Variants in OCRL observed in about 807,000 individuals in gnomAD.
The protein encoded by OCRL is OCRL inositol polyphosphate-5-phosphatase.
A neutral mutation model predicts 78.9 loss-of-function variants in OCRL; 8 were observed. The ratio of observed to expected loss-of-function variants is 0.10; its 90% CI spans 0.06 to 0.18. OCRL has a LOEUF of 0.18. OCRL is among the 10% of genes least tolerant of loss of function. The probability of loss-of-function intolerance (pLI) is 1.00; values close to 1 mark genes in which losing one functional copy is unlikely to be tolerated. For synonymous variants in OCRL, 240 were observed against 235.4 expected, an observed-to-expected ratio of 1.02 and a Z score of -0.18; for missense variants, 454 against 696.7, an observed-to-expected ratio of 0.65 and a Z score of 3.92.
chrX:129,554,117 CAG>C (rs1346599237), intron 4 of OCRL, among the ~76,000 whole-genome samples: 1 of 105,151 alleles, frequency 9.5e-6, no homozygotes, highest in East Asian at 3.1e-4. Flanking sequence ...AGTAAGAAAA[CAG>C]AGAAATCAAT....
intron 12 of OCRL, 86 bp downstream of exon 12, chrX:129,562,872 CTG>C: frequency 1.1e-6 from 1 of 905,027 alleles, no homozygotes; most frequent in Non-Finnish European, 1.6e-6. Context: ...TACTGTAGAG[CTG>C]TGAAGAGTGA....
At chrX:129,563,563 T>C (rs935735168) in intron 12 of OCRL, among the ~76,000 whole-genome samples, 3 of 111,531 alleles carry the variant, frequency 2.7e-5, no homozygotes, top group Non-Finnish European at 5.6e-5. Flanking sequence ...TATTATTCTA[T>C]TTATTGTGGA....
chrX:129,569,194 T>TA (rs1196408177), intron 14 of OCRL, 70 bp from the exon 15 acceptor site: 1 of 1,130,520 alleles, frequency 8.8e-7, no homozygotes, highest in African/African-American at 1.8e-5. Flanking sequence ...AACCCTGATC[T>TA]AAACCAGTGT....
chrX:129,545,921 C>G (rs891406553), intron 3 of OCRL, among the ~76,000 whole-genome samples: 1 of 111,049 alleles, frequency 9.0e-6, no homozygotes, highest in African/African-American at 3.3e-5. Context: ...GCCATGTTGC[C>G]CAGGCTGGTC....
intron 3 of OCRL, 144 bp downstream of exon 3, chrX:129,545,181 A>G (rs1391351129): frequency 2.2e-6 from 1 of 459,964 alleles, no homozygotes; most frequent in African/African-American, 2.4e-5. Flanking sequence ...CATTGAGGAG[A>G]TGATACTTTC....
rs1377663954 is a variant in OCRL at position 129,587,124 on chromosome X, TGA to T, written c.2256+10_2256+11del. ...TCAAATACGCCTGTCACCAGGTAAG[TGA>T]GAGTAGACCTTCCCTACAACTTTGG... is the stretch of plus-strand genomic sequence containing the variant. On this transcript the variant is annotated splice_region_variant and intron_variant, in intron 20 of 23. Coordinates refer to ENST00000371113, the MANE Select transcript of OCRL (RefSeq NM_000276.4). 9.3e-7 allele frequency: 1 copy of T among 1,074,700 alleles called. No individual in the cohort carries two copies. Among genetic ancestry groups the T allele is most frequent in the African/African-American group, 1.8e-5 (1 of 55,100 alleles). 88.6% of individuals were successfully genotyped at this position (1,074,700 alleles called of 1,213,427 possible).
chrX:129,573,223 A>T lies in OCRL; in HGVS notation c.1603-1917A>T, dbSNP rs188495260. ...GTTCTTATTTTCAACATTTTAAAAA[A>T]TTTTTATTTCACTTCAAGTTGTGGG... On this transcript the variant is annotated intron_variant, in intron 15 of 23. Coordinates refer to ENST00000371113, the MANE Select transcript of OCRL (RefSeq NM_000276.4). Among the ~76,000 whole-genome samples the T allele has an allele frequency of 9.3e-5, 10 of 107,504 alleles. No homozygotes were observed. The East Asian group carries it at 1.3e-3, about 14-fold the overall frequency. The allele number at this position is 107,504 out of a possible 115,157, so 93.4% of individuals were successfully genotyped here.
chrX:129,547,695 A>T (rs1935907547), intron 3 of OCRL, among the ~76,000 whole-genome samples: 1 of 111,495 alleles, frequency 9.0e-6, no homozygotes, highest in African/African-American at 3.3e-5. Context: ...TTAGTGTTAA[A>T]GGAGTTAGTT....
chrX:129,548,498 T>C, intron 3 of OCRL, 65 bp from the exon 4 acceptor site: 1 of 848,012 alleles, frequency 1.2e-6, no homozygotes, highest in Non-Finnish European at 1.8e-6. Flanking sequence ...TAGGCATGTA[T>C]TCTTTTGGTT....
intron 1 of OCRL, 86 bp from the exon 2 acceptor site, chrX:129,540,658 G>GGC (rs1414436664): frequency 1.3e-6 from 1 of 791,461 alleles, no homozygotes; most frequent in South Asian, 2.2e-5. Context: ...CGGCGGTGGG[G>GGC]GGGGGGTGGA....
intron 18 of OCRL, among the ~76,000 whole-genome samples, chrX:129,581,870 T>C (rs1307081524): frequency 1.0e-4 from 10 of 100,247 alleles, no homozygotes; most frequent in Non-Finnish European, 2.0e-4. Context: ...TCTCTCTGTC[T>C]CTGTCTCTGC....
At chrX:129,554,421 A>G (rs990524407) in intron 4 of OCRL, 1 of 111,102 alleles carries the variant, frequency 9.0e-6, no homozygotes, top group Admixed American at 9.6e-5. Flanking sequence ...CAGGAGATCG[A>G]GTGGAGAGAA....
chrX:129,564,648 A>G (rs1294762976), intron 12 of OCRL, among the ~76,000 whole-genome samples: 3 of 109,365 alleles, frequency 2.7e-5, no homozygotes, highest in Non-Finnish European at 5.7e-5. Context: ...GCATGTTCTC[A>G]CTCATAGGTG....
At chrX:129,559,821 G>GTA (rs756436382) in intron 8 of OCRL, among the ~76,000 whole-genome samples, 2 of 111,286 alleles carry the variant, frequency 1.8e-5, no homozygotes, top group African/African-American at 6.5e-5. Context: ...ACTTGTGTGT[G>GTA]TATGCTGCAT....
At chrX:129,542,184 A>G (rs1042539511) in intron 2 of OCRL, among the ~76,000 whole-genome samples, 5 of 109,388 alleles carry the variant, frequency 4.6e-5, no homozygotes, top group African/African-American at 1.7e-4. Context: ...ACCACAGCCC[A>G]GAATCTAGTC....
In OCRL at chrX:129,590,802, C is replaced by G. The variant is rs1320569564; in HGVS notation, c.*532C>G. 7 of 137,541 alleles carry G rather than the reference C, an allele frequency of 5.1e-5. No individual in the cohort carries two copies. The highest frequency in any genetic ancestry group is 2.2e-4 in the African/African-American group (7 of 31,306). 11.3% of individuals were successfully genotyped at this position (137,541 alleles called of 1,213,427 possible). ...CCTTGGGTGTCCTCAACAGTGAATT[C>G]ACTGTCTGCGTGCAGTTATTACATG... On this transcript the variant is annotated 3_prime_UTR_variant, in exon 24 of 24. Coordinates refer to ENST00000371113, the MANE Select transcript of OCRL (RefSeq NM_000276.4).
At chrX:129,581,829 CTT>C (rs1936444213) in intron 18 of OCRL, among the ~76,000 whole-genome samples, 1 of 87,437 alleles carries the variant, frequency 1.1e-5, no homozygotes, top group East Asian at 5.4e-4. Context: ...ATCCCTTTGT[CTT>C]TCTCTCTCTC....
rs1274453527 is a variant in OCRL, at chrX:129,540,409, C to T, written c.-31C>T. 2.6e-6 allele frequency: 3 copies of T among 1,150,406 alleles called. No homozygotes were observed. The highest frequency in any genetic ancestry group is 3.5e-6 in the Non-Finnish European group (3 of 868,887). 94.8% of individuals were successfully genotyped at this position (1,150,406 alleles called of 1,213,427 possible). On this transcript the variant is annotated 5_prime_UTR_variant, in exon 1 of 24. Coordinates refer to ENST00000371113, the MANE Select transcript of OCRL (RefSeq NM_000276.4). ...AGTGTCGTCGGATCGGCCCGCAGTCCGCTGTCCTGCTGAGCCCGGAGGCCG... is the reference window on the plus strand; with the variant it reads ...AGTGTCGTCGGATCGGCCCGCAGTCTGCTGTCCTGCTGAGCCCGGAGGCCG...
rs753415077 is a variant in OCRL, at chrX:129,581,831, TTCTC to T, written c.2116-2481_2116-2478del. On this transcript the variant is annotated intron_variant, in intron 18 of 23. Transcript: ENST00000371113. ...TAGCCTTTGAATGATCCCTTTGTCT[TTCTC>T]TCTCTCTCTCTCTCTCTCTCTCTCT... is the stretch of plus-strand genomic sequence containing the variant. 7.8e-3 allele frequency among the ~76,000 whole-genome samples: 512 copies of T among 65,494 alleles called. 5 individuals are homozygous for T. The highest frequency in any genetic ancestry group is 0.024 in the African/African-American group (292 of 12,094). 56.9% of individuals were successfully genotyped at this position (65,494 alleles called of 115,157 possible).
Sources: allele counts gnomAD v4.1 joint callset (sites outside exome capture counted in the v4.1 genomes callset), GRCh38; gene constraint gnomAD v4.1.1; transcripts MANE v1.5; gene names NCBI Gene and HGNC (gene_info 2026-07-23, HGNC 2026-07-21).